The following RYR2 variants were observed in gnomAD, a reference collection of about 807,000 sequenced individuals.
RYR2 encodes ryanodine receptor 2.
In RYR2, 227 loss-of-function variants were observed where a neutral mutation model predicts 601.1. The ratio of observed to expected loss-of-function variants is 0.38; its 90% CI spans 0.34 to 0.42. The LOEUF (loss-of-function observed/expected upper bound fraction) is 0.42, where lower values mean the gene tolerates loss of function less well. Ranked by LOEUF, RYR2 falls within the 10% of genes least tolerant of loss-of-function variation. The pLI is 1.00. For missense variants in RYR2, 4,646 were observed against 6,156.5 expected (o/e 0.75, Z 8.21); for synonymous variants, 2,223 against 2,175.1 (o/e 1.02, Z -0.61).
chr1:237,705,130 T>C (rs1365978671), intron 66 of RYR2, 83 bp from the exon 67 acceptor site: 1 of 1,207,180 alleles, frequency 8.3e-7, no homozygotes, highest in Non-Finnish European at 1.2e-6. Flanking sequence ...TCATTCCTTT[T>C]AGGTTAAATT....
chr1:237,519,586 T>C (rs1015039661), intron 24 of RYR2, among the ~76,000 whole-genome samples: 9 of 152,166 alleles, frequency 5.9e-5, no homozygotes, highest in South Asian at 4.1e-4. Context: ...CCAACAAATA[T>C]GGCTGTAAGT....
chr1:237,300,264 G>A (rs980454155), intron 2 of RYR2, among the ~76,000 whole-genome samples: 1 of 152,076 alleles, frequency 6.6e-6, no homozygotes, highest in Non-Finnish European at 1.5e-5. Flanking sequence ...TTTTGGTTGA[G>A]GGATGTTTAA....
chr1:237,549,420 A>T (rs570278377), intron 26 of RYR2, among the ~76,000 whole-genome samples: 2 of 152,106 alleles, frequency 1.3e-5, no homozygotes, highest in African/African-American at 4.8e-5. Flanking sequence ...ACAAAAAATT[A>T]AAAAATTAGC....
At chr1:237,061,288 T>C (rs753783512) in intron 1 of RYR2, among the ~76,000 whole-genome samples, 1,574 of 48,426 alleles carry the variant, frequency 0.033, 15 homozygotes, top group East Asian at 0.22. Flanking sequence ...TCTATCTATC[T>C]ATCTATCTAT....
chr1:237,156,415 C>G (rs1284922433), intron 1 of RYR2, among the ~76,000 whole-genome samples: 2 of 152,162 alleles, frequency 1.3e-5, no homozygotes, highest in African/African-American at 4.8e-5. Flanking sequence ...GGAGGTTTTA[C>G]AATGCATATT....
At chr1:237,440,446 A>C (rs1462355035) in intron 12 of RYR2, among the ~76,000 whole-genome samples, 1 of 152,214 alleles carries the variant, frequency 6.6e-6, no homozygotes, top group Non-Finnish European at 1.5e-5. Flanking sequence ...TAGGGACTGT[A>C]CAGGACTTTA....
chr1:237,596,538 A>C (rs550253524), intron 34 of RYR2, among the ~76,000 whole-genome samples: 2 of 152,232 alleles, frequency 1.3e-5, no homozygotes, highest in African/African-American at 4.8e-5. Context: ...AGAAGGAAAA[A>C]AGCCTATAGA....
intron 94 of RYR2, among the ~76,000 whole-genome samples, chr1:237,792,836 T>A (rs1303311523): frequency 6.6e-6 from 1 of 152,238 alleles, no homozygotes; most frequent in Non-Finnish European, 1.5e-5. Context: ...TTAAGACTTA[T>A]AGAAATATAT....
intron 29 of RYR2, among the ~76,000 whole-genome samples, chr1:237,573,924 A>G (rs961477848): frequency 2.0e-5 from 3 of 152,168 alleles, no homozygotes; most frequent in African/African-American, 7.2e-5. Flanking sequence ...TTAACTGGAT[A>G]AAAACCAAAT....
chr1:237,464,918 A>T (rs1187629258), intron 16 of RYR2, among the ~76,000 whole-genome samples: 1 of 152,164 alleles, frequency 6.6e-6, no homozygotes, highest in Non-Finnish European at 1.5e-5. Flanking sequence ...TTGCTGTTAT[A>T]AAGAGTGCTG....
At chr1:237,721,974 A>G (rs1319916338) in intron 73 of RYR2, among the ~76,000 whole-genome samples, 1 of 152,202 alleles carries the variant, frequency 6.6e-6, no homozygotes, top group Non-Finnish European at 1.5e-5. Flanking sequence ...CACCAAGGAA[A>G]TTTGATGCTA....
At chr1:237,644,664 T>A (rs1037348043) in intron 48 of RYR2, among the ~76,000 whole-genome samples, 2 of 152,258 alleles carry the variant, frequency 1.3e-5, no homozygotes, top group Non-Finnish European at 2.9e-5. Flanking sequence ...AAGGTGTTTT[T>A]TTTCAGTTTT....
intron 74 of RYR2, among the ~76,000 whole-genome samples, chr1:237,724,267 AT>A (rs1690019813): frequency 6.8e-6 from 1 of 146,930 alleles, no homozygotes; most frequent in African/African-American, 2.5e-5. Context: ...TATATATATA[AT>A]TTTGTATTGC....
At chr1:237,081,510 CA>C (rs1284599067) in intron 1 of RYR2, among the ~76,000 whole-genome samples, 150 of 77,254 alleles carry the variant, frequency 1.9e-3, no homozygotes, top group African/African-American at 5.5e-3. Context: ...ATACACCCCC[CA>C]CATATATATA....
chr1:237,794,669 G>A (rs1178976222), intron 95 of RYR2, among the ~76,000 whole-genome samples: 1 of 152,176 alleles, frequency 6.6e-6, no homozygotes, highest in Non-Finnish European at 1.5e-5. Context: ...TTAAAATTGT[G>A]ATTAGTTTTG....
chr1:237,333,028 G>A (rs1696902858), intron 3 of RYR2, among the ~76,000 whole-genome samples: 1 of 152,096 alleles, frequency 6.6e-6, no homozygotes, highest in African/African-American at 2.4e-5. Flanking sequence ...AGAATTTCTG[G>A]ATCTCCTCAA....
intron 10 of RYR2, among the ~76,000 whole-genome samples, chr1:237,408,033 T>C (rs1482172390): frequency 6.6e-6 from 1 of 152,152 alleles, no homozygotes; most frequent in Non-Finnish European, 1.5e-5. Flanking sequence ...CTCTTAATAG[T>C]GTTTTCTTGC....
At chr1:237,443,105 C>T (rs1350507920) in intron 13 of RYR2, among the ~76,000 whole-genome samples, 6 of 152,128 alleles carry the variant, frequency 3.9e-5, no homozygotes, top group African/African-American at 9.7e-5. Context: ...CTCTACACTT[C>T]GCTTCTCAAG....
At chr1:237,202,753 G>A (rs1229785728) in intron 1 of RYR2, among the ~76,000 whole-genome samples, 2 of 152,040 alleles carry the variant, frequency 1.3e-5, no homozygotes, top group South Asian at 2.1e-4. Flanking sequence ...AACAGTTTTC[G>A]TTCCAGCATT....
Sources: gnomAD v4.1 joint callset for allele counts (sites outside exome capture counted in the v4.1 genomes callset) on GRCh38, gnomAD v4.1.1 for gene constraint, MANE v1.5 for transcripts, NCBI Gene and HGNC (gene_info 2026-07-23, HGNC 2026-07-21) for gene names.